Variants in VAV2 observed in about 807,000 individuals in gnomAD.
VAV2 encodes the protein vav guanine nucleotide exchange factor 2.
Under a neutral mutation model 132.5 loss-of-function variants are expected in VAV2, and 67 were observed. That is an observed-to-expected ratio of 0.51 (90% CI 0.42 to 0.62). The LOEUF is 0.62. Among genes scored for constraint, VAV2 ranks in the 20% least tolerant of loss-of-function variants. The pLI is 0.00. For synonymous variants in VAV2, 492 were observed against 443.5 expected, an observed-to-expected ratio of 1.11 and a Z score of -1.37; for missense variants, 938 against 1,153.6, an observed-to-expected ratio of 0.81 and a Z score of 2.71.
intron 21 of VAV2, 77 bp from the exon 22 acceptor site, chr9:133,778,966 C>A (rs1028264635): frequency 6.4e-7 from 1 of 1,566,216 alleles, no homozygotes. Flanking sequence ...CCGCAGCCCA[C>A]CCCATCACCA....
chr9:133,766,819 C>T (rs1362243467), intron 29 of VAV2, among the ~76,000 whole-genome samples: 1 of 134,854 alleles, frequency 7.4e-6, no homozygotes, highest in Non-Finnish European at 1.6e-5. Flanking sequence ...ACAATGTCTT[C>T]TAAGGTTTGA....
At chr9:133,830,655 C>T (rs908445739) in intron 4 of VAV2, among the ~76,000 whole-genome samples, 2 of 152,134 alleles carry the variant, frequency 1.3e-5, no homozygotes, top group Non-Finnish European at 2.9e-5. Context: ...AACTGTAATA[C>T]TAATAGACCT....
chr9:133,783,421 G>A (rs1296800282), intron 19 of VAV2, 82 bp downstream of exon 19: 21 of 1,406,720 alleles, frequency 1.5e-5, no homozygotes, highest in South Asian at 3.5e-5. Context: ...GATGGTGCCC[G>A]AGGCCCGTAC....
chr9:133,836,721 AT>A (rs1836486448), intron 3 of VAV2, among the ~76,000 whole-genome samples: 1 of 152,206 alleles, frequency 6.6e-6, no homozygotes, highest in Admixed American at 6.5e-5. Context: ...CGAACCCTGG[AT>A]TATCAACAGG....
intron 2 of VAV2, among the ~76,000 whole-genome samples, chr9:133,927,050 T>C (rs1023838823): frequency 6.6e-6 from 1 of 152,162 alleles, no homozygotes; most frequent in Non-Finnish European, 1.5e-5. Context: ...CATCCAGTCC[T>C]TGCTTTACTC....
intron 2 of VAV2, among the ~76,000 whole-genome samples, chr9:133,921,321 G>A (rs1840289862): frequency 6.6e-6 from 1 of 152,224 alleles, no homozygotes; most frequent in African/African-American, 2.4e-5. Context: ...ATGAGTGAAT[G>A]AATGGCTTCT....
intron 2 of VAV2, among the ~76,000 whole-genome samples, chr9:133,868,823 C>T (rs954862360): frequency 1.3e-5 from 2 of 152,176 alleles, no homozygotes; most frequent in Non-Finnish European, 2.9e-5. Context: ...AGTCAAGACA[C>T]TCAAGCCAGG....
chr9:133,807,221 C>A (rs55874317), intron 8 of VAV2, 37 bp downstream of exon 8: 43,613 of 1,595,614 alleles, frequency 0.027, 1,230 homozygotes, highest in African/African-American at 0.14. Context: ...GTTAGGGCCC[C>A]GAGCCTGGCA....
At chr9:133,861,820 C>T (rs1234617242) in intron 2 of VAV2, among the ~76,000 whole-genome samples, 1 of 152,174 alleles carries the variant, frequency 6.6e-6, no homozygotes, top group Non-Finnish European at 1.5e-5. Context: ...AAGTACAGCT[C>T]GTGTTCACAG....
intron 3 of VAV2, among the ~76,000 whole-genome samples, chr9:133,842,663 G>A (rs1179236298): frequency 6.6e-6 from 1 of 152,214 alleles, no homozygotes; most frequent in Non-Finnish European, 1.5e-5. Context: ...TCTGAAACCA[G>A]CTTCAAAATC....
intron 20 of VAV2, among the ~76,000 whole-genome samples, chr9:133,780,261 G>A (rs1833961721): frequency 6.6e-6 from 1 of 152,252 alleles, no homozygotes; most frequent in African/African-American, 2.4e-5. Flanking sequence ...GGGACACACA[G>A]TGCCAAATAC....
intron 22 of VAV2, 29 bp from the exon 23 acceptor site, chr9:133,777,492 A>T (rs769545041): frequency 1.4e-5 from 23 of 1,610,032 alleles, no homozygotes; most frequent in Non-Finnish European, 1.9e-5. Flanking sequence ...GGTTAGGACA[A>T]GGGGGCCGAG....
chr9:133,926,274 C>G lies in VAV2; in HGVS notation c.321+12829G>C, dbSNP rs1004970231. 2.0e-5 allele frequency: 3 copies of G among 152,698 alleles called. No homozygotes were observed. The highest frequency in any genetic ancestry group is 3.8e-4 in the East Asian group (2 of 5,216). The allele number at this position is 152,698 out of a possible 1,614,324, so 9.5% of individuals were successfully genotyped here. ...CCTCTGCTCCTAGTGCGTCCTGAAG[C>G]GTGGGCTGCTGCCACCACTGCCACC... On this transcript the variant is annotated intron_variant, in intron 2 of 29. Transcript: ENST00000371850. The surrounding 1 kb of genome is among the most constrained non-coding windows in gnomAD (Gnocchi z 4.3).
intron 3 of VAV2, among the ~76,000 whole-genome samples, chr9:133,859,180 C>T (rs912630466): frequency 9.2e-5 from 14 of 152,204 alleles, no homozygotes; most frequent in African/African-American, 3.4e-4. Context: ...ACATGCAGGA[C>T]AGATGCAGGG....
chr9:133,807,941 G>A (rs1043337761), intron 7 of VAV2, among the ~76,000 whole-genome samples: 1 of 152,178 alleles, frequency 6.6e-6, no homozygotes, highest in Non-Finnish European at 1.5e-5. Flanking sequence ...GTGGCTCCTG[G>A]TCAGGGCAGC....
At chr9:133,972,679 C>T (rs1345832858) in intron 1 of VAV2, among the ~76,000 whole-genome samples, 4 of 152,180 alleles carry the variant, frequency 2.6e-5, no homozygotes, top group Non-Finnish European at 5.9e-5. Flanking sequence ...AAAGCAGATC[C>T]GAAGGCAGCG....
Position 133,788,543 on chromosome 9 carries a change from A to G in VAV2, c.1275-57T>C. Reference sequence around the variant, plus strand: ...CCCCAGCACTGTGTGCTCTGCTCCGAGGAGGCGGCAGGAGCTGAGCCTGAG... The same window carrying G: ...CCCCAGCACTGTGTGCTCTGCTCCGGGGAGGCGGCAGGAGCTGAGCCTGAG... On this transcript the variant is annotated intron_variant, in intron 14 of 29. Transcript: ENST00000371850. The surrounding 1 kb of genome is among the most constrained non-coding windows in gnomAD (Gnocchi z 5.3). The G allele has an allele frequency of 1.3e-6, 2 of 1,569,344 alleles. No homozygotes were observed. The highest frequency in any genetic ancestry group is 4.6e-5 in the East Asian group (2 of 43,758).
At chr9:133,943,575 G>A (rs949569587) in intron 1 of VAV2, among the ~76,000 whole-genome samples, 1 of 152,184 alleles carries the variant, frequency 6.6e-6, no homozygotes, top group African/African-American at 2.4e-5. Context: ...CCACAGCAAG[G>A]GTCTGTCCCC....
In VAV2 at chr9:133,768,350, G is replaced by A. The variant is rs1833503441; in HGVS notation, c.2589+92C>T. On this transcript the variant is annotated intron_variant, in intron 29 of 29. Coordinates refer to ENST00000371850, the MANE Select transcript of VAV2 (RefSeq NM_001134398.2). This position sits in a 1 kb window ranked among gnomAD's most constrained non-coding sequence, Gnocchi z 5.3. ...GGGTGTCTGGAACAGGGCCTGGGGT[G>A]TGGACATAGGTGTGGTGCTAGTCTG... The A allele has an allele frequency of 2.0e-6, 3 of 1,511,762 alleles. No individual in the cohort carries two copies. Among genetic ancestry groups the A allele is most frequent in the South Asian group, 2.5e-5 (2 of 79,744 alleles). The allele number at this position is 1,511,762 out of a possible 1,614,324, so 93.6% of individuals were successfully genotyped here. A position where few individuals can be genotyped will look rare whatever the true frequency, so the allele number is the denominator to read the frequency against.
Sources: allele counts gnomAD v4.1 joint callset (sites outside exome capture counted in the v4.1 genomes callset), GRCh38; gene constraint gnomAD v4.1.1; non-coding constraint Gnocchi (gnomAD v3.1); transcripts MANE v1.5; gene names NCBI Gene and HGNC (gene_info 2026-07-23, HGNC 2026-07-21).